The following OSBP2 variants were observed in gnomAD, a reference collection of about 807,000 sequenced individuals.
The protein encoded by OSBP2 is oxysterol-binding protein 2.
A neutral mutation model predicts 96.0 loss-of-function variants in OSBP2; 66 were observed. That is an observed-to-expected ratio of 0.69 (90% CI 0.56 to 0.84). The LOEUF (loss-of-function observed/expected upper bound fraction) is 0.84, where lower values mean the gene tolerates loss of function less well. Among genes scored for constraint, OSBP2 ranks in the 40% least tolerant of loss-of-function variants. The pLI, the probability that OSBP2 is intolerant of heterozygous loss-of-function variation, is 0.00. For synonymous variants in OSBP2, 525 were observed against 520.9 expected, an observed-to-expected ratio of 1.01 and a Z score of -0.11; for missense variants, 1,038 against 1,222.7, an observed-to-expected ratio of 0.85 and a Z score of 2.25.
intron 2 of OSBP2, among the ~76,000 whole-genome samples, chr22:30,834,950 A>G (rs1419170664): frequency 6.6e-6 from 1 of 151,484 alleles, no homozygotes; most frequent in Admixed American, 6.6e-5. Context: ...TGAGCAGCTG[A>G]GAATACAGGC....
At chr22:30,813,238 G>A (rs1213302735) in intron 2 of OSBP2, among the ~76,000 whole-genome samples, 1 of 140,916 alleles carries the variant, frequency 7.1e-6, no homozygotes, top group African/African-American at 2.7e-5. Flanking sequence ...GGAGTCCAGT[G>A]GCGCAATCTC....
intron 1 of OSBP2, among the ~76,000 whole-genome samples, chr22:30,722,396 G>A (rs136378): frequency 0.86 from 131,576 of 152,256 alleles, 57,017 homozygotes; most frequent in East Asian, 1. Context: ...TCCACACTCA[G>A]TCAAATCCCA....
intron 2 of OSBP2, among the ~76,000 whole-genome samples, chr22:30,817,482 G>A (rs1029701532): frequency 6.6e-6 from 1 of 152,174 alleles, no homozygotes; most frequent in African/African-American, 2.4e-5. Context: ...CTCCCAAGCT[G>A]GTGCTGGCAT....
intron 2 of OSBP2, among the ~76,000 whole-genome samples, chr22:30,804,344 A>G (rs1167180487): frequency 6.6e-6 from 1 of 152,206 alleles, no homozygotes; most frequent in Non-Finnish European, 1.5e-5. Flanking sequence ...CGACAGGTTC[A>G]TTGCTGGAGG....
At chr22:30,889,282 AG>A (rs2147154640) in intron 6 of OSBP2, 48 bp downstream of exon 6, 1 of 1,544,906 alleles carries the variant, frequency 6.5e-7, no homozygotes, top group Non-Finnish European at 8.9e-7. Context: ...CTTCTGGCCT[AG>A]GGGGTGGGAG....
At chr22:30,819,966 T>C (rs1233087646) in intron 2 of OSBP2, among the ~76,000 whole-genome samples, 2 of 152,232 alleles carry the variant, frequency 1.3e-5, no homozygotes, top group Non-Finnish European at 2.9e-5. Context: ...CCTCCAGATT[T>C]CAGATTCCAC....
intron 1 of OSBP2, among the ~76,000 whole-genome samples, chr22:30,712,960 T>G (rs769381556): frequency 2.5e-4 from 38 of 152,016 alleles, no homozygotes; most frequent in Non-Finnish European, 5.0e-4. Context: ...TAGGCTGGAG[T>G]GGTACAGTGG....
intron 3 of OSBP2, among the ~76,000 whole-genome samples, chr22:30,884,612 A>G (rs2039770799): frequency 6.6e-6 from 1 of 152,088 alleles, no homozygotes; most frequent in Non-Finnish European, 1.5e-5. Context: ...GGCTTGTTCA[A>G]GGAGTGGCAT....
At chr22:30,738,439 A>C (rs2089887407) in intron 1 of OSBP2, among the ~76,000 whole-genome samples, 1 of 152,170 alleles carries the variant, frequency 6.6e-6, no homozygotes, top group Non-Finnish European at 1.5e-5. Flanking sequence ...TCCTTCGAAC[A>C]AAAGATACCA....
chr22:30,741,723 C>T (rs1003445579), intron 2 of OSBP2, among the ~76,000 whole-genome samples: 2 of 152,154 alleles, frequency 1.3e-5, no homozygotes, highest in African/African-American at 2.4e-5. Context: ...GTTCCCCCAT[C>T]GTGGAGAGTG....
intron 1 of OSBP2, among the ~76,000 whole-genome samples, chr22:30,710,172 A>G (rs2089324831): frequency 6.6e-6 from 1 of 152,136 alleles, no homozygotes; most frequent in Admixed American, 6.5e-5. Flanking sequence ...GGTGTGAGCC[A>G]CCGTGCCCCG....
intron 1 of OSBP2, among the ~76,000 whole-genome samples, chr22:30,715,860 T>A (rs971119547): frequency 5.0e-5 from 7 of 141,020 alleles, no homozygotes; most frequent in Non-Finnish European, 4.7e-5. Context: ...CCTAACCTTT[T>A]TTTTTTTTTT....
At chr22:30,753,920 G>A (rs557329576) in intron 2 of OSBP2, among the ~76,000 whole-genome samples, 5 of 152,266 alleles carry the variant, frequency 3.3e-5, no homozygotes, top group African/African-American at 4.8e-5. Flanking sequence ...TATTCCTTCC[G>A]TTTTGCCTGG....
intron 2 of OSBP2, among the ~76,000 whole-genome samples, chr22:30,747,623 C>T (rs890838139): frequency 2.6e-5 from 4 of 152,162 alleles, no homozygotes; most frequent in Admixed American, 6.5e-5. Context: ...ATTGGCGGTG[C>T]GGTAAGGCCC....
chr22:30,772,312 A>G (rs1451646218), intron 2 of OSBP2, among the ~76,000 whole-genome samples: 1 of 151,090 alleles, frequency 6.6e-6, no homozygotes, highest in African/African-American at 2.4e-5. Context: ...AAATGAGATA[A>G]CCTCTCCTGA....
chr22:30,893,431 G>T (rs760597258), intron 9 of OSBP2, 32 bp from the exon 10 acceptor site: 24 of 1,584,692 alleles, frequency 1.5e-5, no homozygotes, highest in Admixed American at 1.0e-4. Flanking sequence ...TGCATGGGGG[G>T]GCATGACCTC....
intron 2 of OSBP2, among the ~76,000 whole-genome samples, chr22:30,805,091 G>C (rs981431315): frequency 6.6e-6 from 1 of 152,208 alleles, no homozygotes; most frequent in African/African-American, 2.4e-5. Flanking sequence ...GTTCTCTTCT[G>C]TAACTGAGGA....
At position 30,695,089 on chromosome 22, in the gene OSBP2, G is replaced by C. The variant is rs778884112; in HGVS notation, c.180G>C (p.Pro60=). Residue 60 remains proline (P), a synonymous_variant, in exon 1 of 14, where the codon CCG becomes CCC. Coordinates refer to ENST00000332585, the MANE Select transcript of OSBP2 (RefSeq NM_030758.4). The part of the protein sequence containing the change: ...PKPQPQPVPE[P]ERGPLSEQVS... Reference sequence around the variant, plus strand: ...CCCAGCCCCAGCCCGTGCCCGAACCGGAGCGGGGACCGCTGTCAGAACAGG... The same window carrying C: ...CCCAGCCCCAGCCCGTGCCCGAACCCGAGCGGGGACCGCTGTCAGAACAGG... 2.5e-6 allele frequency: 4 copies of C among 1,579,316 alleles called. No individual in the cohort carries two copies. Among genetic ancestry groups the C allele is most frequent in the Non-Finnish European group, 3.4e-6 (4 of 1,162,498 alleles).
chr22:30,764,178 A>T, intron 2 of OSBP2: 1 of 944,616 alleles, frequency 1.1e-6, no homozygotes, highest in Non-Finnish European at 1.3e-6. Context: ...CCTACCCTCC[A>T]TTGATGTCAT....
Sources: allele counts gnomAD v4.1 joint callset (sites outside exome capture counted in the v4.1 genomes callset), GRCh38; gene constraint gnomAD v4.1.1; transcripts MANE v1.5; gene names NCBI Gene and HGNC (gene_info 2026-07-23, HGNC 2026-07-21).